TMEM74: variants seen among roughly 807,000 people sequenced by gnomAD.
The protein encoded by TMEM74 is transmembrane protein 74.
Under a neutral mutation model 18.1 loss-of-function variants are expected in TMEM74, and 13 were observed. The observed-to-expected ratio is 0.72, with a 90% CI of 0.47 to 1.14. TMEM74 has a LOEUF of 1.14. Ranked by LOEUF, TMEM74 falls within the 50% of genes most tolerant of loss-of-function variation. The probability of loss-of-function intolerance (pLI) is 0.00; values close to 1 mark genes in which losing one functional copy is unlikely to be tolerated. For synonymous variants in TMEM74, 159 were observed against 146.6 expected (o/e 1.08, Z -0.61); for missense variants, 372 against 375.9 (o/e 0.99, Z 0.09).
At chr8:108,703,301 A>C (rs1305919350) in intron 1 of TMEM74, among the ~76,000 whole-genome samples, 2 of 152,154 alleles carry the variant, frequency 1.3e-5, no homozygotes, top group Non-Finnish European at 2.9e-5. Context: ...TTGTTGTTGT[A>C]ACGTACATTT....
intron 1 of TMEM74, among the ~76,000 whole-genome samples, chr8:108,658,537 T>A (rs983066801): frequency 6.6e-6 from 1 of 152,138 alleles, no homozygotes; most frequent in Non-Finnish European, 1.5e-5. Context: ...AAAACAGATG[T>A]CTTCCACAAA....
intron 1 of TMEM74, among the ~76,000 whole-genome samples, chr8:108,711,612 T>G (rs575882190): frequency 6.6e-6 from 1 of 152,260 alleles, no homozygotes; most frequent in East Asian, 1.9e-4. Flanking sequence ...TTGGTGGAAT[T>G]GTCCCAGGCC....
At chr8:108,640,962 A>C (rs1008485853) in intron 2 of TMEM74, among the ~76,000 whole-genome samples, 2 of 152,182 alleles carry the variant, frequency 1.3e-5, no homozygotes, top group African/African-American at 4.8e-5. Context: ...AGATGATATA[A>C]AGTGATACTG....
intron 2 of TMEM74, among the ~76,000 whole-genome samples, chr8:108,625,984 A>G (rs1196257167): frequency 6.6e-6 from 1 of 152,016 alleles, no homozygotes; most frequent in Non-Finnish European, 1.5e-5. Context: ...GAATCACTCA[A>G]TAATGTAGAC....
At chr8:108,610,145 C>G (rs1229546420) in intron 2 of TMEM74, among the ~76,000 whole-genome samples, 1 of 152,104 alleles carries the variant, frequency 6.6e-6, no homozygotes, top group Non-Finnish European at 1.5e-5. Context: ...AACAAAGATT[C>G]AAGTTGATTC....
intron 2 of TMEM74, chr8:108,652,683 A>G: frequency 1.7e-6 from 1 of 580,420 alleles, no homozygotes; most frequent in Non-Finnish European, 3.2e-6. Context: ...AAATCCAGGA[A>G]TCTGCCCCTA....
chr8:108,676,527 A>C (rs7820283), intron 1 of TMEM74, among the ~76,000 whole-genome samples: 4,473 of 152,100 alleles, frequency 0.029, 122 homozygotes, highest in African/African-American at 0.066. Flanking sequence ...TCACATGTAA[A>C]CTTCCCAGTG....
intron 2 of TMEM74, among the ~76,000 whole-genome samples, chr8:108,633,985 C>A (rs1481947399): frequency 6.6e-6 from 1 of 151,994 alleles, no homozygotes; most frequent in Non-Finnish European, 1.5e-5. Context: ...AGAAAAGTAT[C>A]TTTCTCTAAA....
intron 2 of TMEM74, among the ~76,000 whole-genome samples, chr8:108,647,867 C>G (rs1330210767): frequency 6.6e-6 from 1 of 152,006 alleles, no homozygotes; most frequent in Non-Finnish European, 1.5e-5. Flanking sequence ...TAAAATAAAG[C>G]ACCAGGAACA....
At chr8:108,722,376 G>T (rs1022340731) in intron 1 of TMEM74, among the ~76,000 whole-genome samples, 1 of 152,156 alleles carries the variant, frequency 6.6e-6, no homozygotes, top group African/African-American at 2.4e-5. Flanking sequence ...TGACCTTCCT[G>T]TTGCTCTAAA....
At chr8:108,616,206 G>A (rs910072307) in intron 2 of TMEM74, among the ~76,000 whole-genome samples, 3 of 152,166 alleles carry the variant, frequency 2.0e-5, no homozygotes, top group Admixed American at 1.3e-4. Context: ...GCCAGCAGCT[G>A]GGGAAATAAA....
chr8:108,771,322 A>G (rs543167449), intron 1 of TMEM74, among the ~76,000 whole-genome samples: 1 of 152,184 alleles, frequency 6.6e-6, no homozygotes, highest in African/African-American at 2.4e-5. Context: ...ATTAAATTAA[A>G]TGAGTTAATA....
chr8:108,694,242 C>T (rs1448707230), intron 1 of TMEM74, among the ~76,000 whole-genome samples: 8 of 152,060 alleles, frequency 5.3e-5, no homozygotes, highest in Admixed American at 5.2e-4. Context: ...CTATCTAGTT[C>T]CAAAAGGTGT....
intron 1 of TMEM74, among the ~76,000 whole-genome samples, chr8:108,688,310 C>T (rs1302799282): frequency 6.6e-6 from 1 of 152,216 alleles, no homozygotes; most frequent in Non-Finnish European, 1.5e-5. Flanking sequence ...TTTTCTTCCA[C>T]AATGAAGGCT....
chr8:108,729,037 G>C (rs1813668764), intron 1 of TMEM74, among the ~76,000 whole-genome samples: 1 of 152,142 alleles, frequency 6.6e-6, no homozygotes, highest in South Asian at 2.1e-4. Flanking sequence ...TTTAGCAACT[G>C]CAAATGAGAC....
chr8:108,642,767 AG>A (rs1482959616), intron 2 of TMEM74, among the ~76,000 whole-genome samples: 1 of 152,198 alleles, frequency 6.6e-6, no homozygotes, highest in Non-Finnish European at 1.5e-5. Context: ...AGTCACACTC[AG>A]GAATATTGCA....
At chr8:108,704,019 G>C (rs1669082375) in intron 1 of TMEM74, among the ~76,000 whole-genome samples, 1 of 152,166 alleles carries the variant, frequency 6.6e-6, no homozygotes, top group Non-Finnish European at 1.5e-5. Context: ...GAAGTATAAG[G>C]AACTGACAGC....
intron 1 of TMEM74, among the ~76,000 whole-genome samples, chr8:108,755,453 T>G (rs1234694261): frequency 1.3e-5 from 2 of 152,150 alleles, no homozygotes; most frequent in African/African-American, 4.8e-5. Context: ...ACATATAGCA[T>G]GTGAAAATAA....
At chr8:108,732,992 A>T (rs933633014) in intron 1 of TMEM74, among the ~76,000 whole-genome samples, 1 of 152,188 alleles carries the variant, frequency 6.6e-6, no homozygotes, top group Non-Finnish European at 1.5e-5. Flanking sequence ...TTGAAAAAAG[A>T]TGGACAATGT....
Sources: gnomAD v4.1 joint callset for allele counts (sites outside exome capture counted in the v4.1 genomes callset) on GRCh38, gnomAD v4.1.1 for gene constraint, MANE v1.5 for transcripts, NCBI Gene and HGNC (gene_info 2026-07-23, HGNC 2026-07-21) for gene names.